SPECC1: variants seen among roughly 807,000 people sequenced by gnomAD.
The protein encoded by SPECC1 is sperm antigen with calponin homology and coiled-coil domains 1.
In SPECC1, 62 loss-of-function variants were observed where a neutral mutation model predicts 104.1. The ratio of observed to expected loss-of-function variants is 0.60; its 90% CI spans 0.49 to 0.74. SPECC1 has a LOEUF of 0.74. SPECC1 is among the 30% of genes least tolerant of loss of function. The probability of loss-of-function intolerance (pLI) is 0.00; values close to 1 mark genes in which losing one functional copy is unlikely to be tolerated. For synonymous variants in SPECC1, 513 were observed against 501.6 expected (o/e 1.02, Z -0.30); for missense variants, 1,306 against 1,310.5 (o/e 1.00, Z 0.05).
intron 3 of SPECC1, among the ~76,000 whole-genome samples, chr17:20,119,652 C>T (rs1446282410): frequency 6.6e-6 from 1 of 152,228 alleles, no homozygotes; most frequent in Non-Finnish European, 1.5e-5. Flanking sequence ...AGGTGAATAC[C>T]AGTCTATTAG....
At chr17:20,167,539 A>G (rs918687930) in intron 3 of SPECC1, among the ~76,000 whole-genome samples, 5 of 152,126 alleles carry the variant, frequency 3.3e-5, no homozygotes, top group African/African-American at 9.7e-5. Flanking sequence ...TTAGACGGGC[A>G]TAGTGGTGCA....
intron 14 of SPECC1, among the ~76,000 whole-genome samples, chr17:20,307,119 G>A (rs1267237248): frequency 6.6e-6 from 1 of 152,034 alleles, no homozygotes; most frequent in Non-Finnish European, 1.5e-5. Flanking sequence ...TACTAAATTG[G>A]AAAATAAATA....
rs576715207 is a variant in SPECC1 at position 20,162,958 on chromosome 17, G to A, written c.284-41375G>A. The stretch of plus-strand genomic sequence containing the variant: ...CAGGAGAGTCCCTTGAACCTGGGAG[G>A]CGGAGGTTGCGGTGAGCCAAGATTG... On this transcript the variant is annotated intron_variant, in intron 3 of 14. Coordinates refer to ENST00000395527, the MANE Select transcript of SPECC1 (RefSeq NM_001243439.2). Among the ~76,000 whole-genome samples, 541 of 152,332 alleles carry A rather than the reference G, an allele frequency of 3.6e-3. 1 individual carries two copies. Among genetic ancestry groups the A allele is most frequent in the African/African-American group, 0.013 (523 of 41,562 alleles).
chr17:20,212,419 C>G (rs1025477250), intron 4 of SPECC1, among the ~76,000 whole-genome samples: 2 of 152,208 alleles, frequency 1.3e-5, no homozygotes, highest in African/African-American at 4.8e-5. Context: ...AACAGTTCCA[C>G]TTGGCTGGGG....
In SPECC1 at chr17:20,205,811, C is replaced by T; in HGVS notation, c.1762C>T (p.Arg588Ter). The T allele has an allele frequency of 6.2e-7, 1 of 1,614,124 alleles. No individual in the cohort carries two copies. The highest frequency in any genetic ancestry group is 8.5e-7 in the Non-Finnish European group (1 of 1,180,018). The change falls in exon 4 of 15, where the codon CGA (arginine) becomes TGA (stop). Residue 588 changes from arginine to a stop codon, truncating the protein, a stop_gained. Coordinates refer to ENST00000395527, the MANE Select transcript of SPECC1 (RefSeq NM_001243439.2). LOFTEE classifies it high-confidence loss of function. Reference protein sequence around the residue: ...CEVQEMLKVARAEKDLLELSC... With the variant: ...CEVQEMLKVA ...AGTTCAAGAAATGTTGAAAGTAGCCCGAGCAGAGAAAGATCTACTGGAACT... is the reference window on the plus strand; with the variant it reads ...AGTTCAAGAAATGTTGAAAGTAGCCTGAGCAGAGAAAGATCTACTGGAACT...
At chr17:20,025,917 G>C (rs2044581859) in intron 1 of SPECC1, among the ~76,000 whole-genome samples, 1 of 152,140 alleles carries the variant, frequency 6.6e-6, no homozygotes, top group African/African-American at 2.4e-5. Context: ...ATGAAGTGGT[G>C]TCTACATTCT....
chr17:20,175,160 C>T (rs1476616047), intron 3 of SPECC1, among the ~76,000 whole-genome samples: 1 of 152,090 alleles, frequency 6.6e-6, no homozygotes, highest in East Asian at 1.9e-4. Context: ...GGACCTTCAG[C>T]CTGCAGCCCC....
chr17:20,103,743 C>T (rs559880211), intron 2 of SPECC1, among the ~76,000 whole-genome samples: 3 of 152,128 alleles, frequency 2.0e-5, no homozygotes, highest in Admixed American at 6.5e-5. Flanking sequence ...CCAGGACGTC[C>T]GCATCCCCCG....
intron 5 of SPECC1, among the ~76,000 whole-genome samples, chr17:20,228,901 C>A (rs2038398896): frequency 6.6e-6 from 1 of 152,232 alleles, no homozygotes; most frequent in Non-Finnish European, 1.5e-5. Flanking sequence ...CCAGCCATTA[C>A]TAAGAATAGC....
chr17:20,100,861 T>C (rs1324807691), intron 2 of SPECC1, among the ~76,000 whole-genome samples: 2 of 152,154 alleles, frequency 1.3e-5, no homozygotes, highest in Non-Finnish European at 2.9e-5. Context: ...TTCCCCTCCC[T>C]GTGTCCATTT....
intron 1 of SPECC1, among the ~76,000 whole-genome samples, chr17:20,087,459 A>G (rs1490673756): frequency 1.3e-5 from 2 of 152,054 alleles, no homozygotes; most frequent in African/African-American, 2.4e-5. Context: ...AGAGATATTT[A>G]TAAGTATTAT....
chr17:20,172,404 ACTGTCTC>A (rs1366254483), intron 3 of SPECC1, among the ~76,000 whole-genome samples: 137 of 152,348 alleles, frequency 9.0e-4, no homozygotes, highest in African/African-American at 3.2e-3. Context: ...GATAAAATAT[ACTGTCTC>A]CTACTTAACC....
At chr17:20,111,533 C>G (rs1166557756) in intron 3 of SPECC1, among the ~76,000 whole-genome samples, 1 of 151,944 alleles carries the variant, frequency 6.6e-6, no homozygotes, top group Non-Finnish European at 1.5e-5. Context: ...AACAAAAGTA[C>G]CATTTATTTT....
chr17:20,179,262 G>A (rs2034694250), intron 3 of SPECC1, among the ~76,000 whole-genome samples: 1 of 152,268 alleles, frequency 6.6e-6, no homozygotes, highest in Non-Finnish European at 1.5e-5. Flanking sequence ...AGACAGTGTA[G>A]CTTGCACCAG....
intron 12 of SPECC1, among the ~76,000 whole-genome samples, chr17:20,280,737 G>T (rs2040740317): frequency 6.6e-6 from 1 of 152,168 alleles, no homozygotes; most frequent in Non-Finnish European, 1.5e-5. Flanking sequence ...CAGCCACATG[G>T]GGCTGGTGGC....
chr17:20,117,703 C>CAAAAA (rs1157847856), intron 3 of SPECC1, among the ~76,000 whole-genome samples: 1 of 59,596 alleles, frequency 1.7e-5, no homozygotes, highest in Admixed American at 1.7e-4. Flanking sequence ...ATGATTGTCT[C>CAAAAA]AAAAAAAAAA....
chr17:20,048,111 C>T (rs191546264), intron 1 of SPECC1, among the ~76,000 whole-genome samples: 17 of 151,708 alleles, frequency 1.1e-4, no homozygotes, highest in Middle Eastern at 3.4e-3. Flanking sequence ...AATTTGAATA[C>T]GGCTCAAGAT....
At chr17:20,074,557 C>T (rs1435890527) in intron 1 of SPECC1, among the ~76,000 whole-genome samples, 1 of 152,170 alleles carries the variant, frequency 6.6e-6, no homozygotes, top group Non-Finnish European at 1.5e-5. Context: ...TGCAGAAGGT[C>T]CACACTAAGT....
At chr17:20,029,016 C>T (rs1174942309) in intron 1 of SPECC1, among the ~76,000 whole-genome samples, 1 of 152,152 alleles carries the variant, frequency 6.6e-6, no homozygotes, top group Non-Finnish European at 1.5e-5. Context: ...CGTGCCTCAG[C>T]CTCCCAAAGT....
Sources: allele counts gnomAD v4.1 joint callset (sites outside exome capture counted in the v4.1 genomes callset), GRCh38; gene constraint gnomAD v4.1.1; transcripts MANE v1.5; gene names NCBI Gene and HGNC (gene_info 2026-07-23, HGNC 2026-07-21).